GPHN: variants seen among roughly 807,000 people sequenced by gnomAD.
The protein encoded by GPHN is gephyrin.
GPHN carries 17 observed loss-of-function variants against 95.5 expected under a neutral mutation model. The observed-to-expected ratio is 0.18, with a 90% CI of 0.12 to 0.27. The LOEUF is 0.27. Ranked by LOEUF, GPHN falls within the 10% of genes least tolerant of loss-of-function variation. GPHN has a pLI of 1.00. For missense variants in GPHN, 660 were observed against 978.1 expected (o/e 0.67, Z 4.34); for synonymous variants, 320 against 322.5 (o/e 0.99, Z 0.08).
chr14:67,568,057 G>C, the GPHN span, among the ~76,000 whole-genome samples: 2 of 152,134 alleles, frequency 1.3e-5, no homozygotes, highest in Non-Finnish European at 2.9e-5. Context: ...AGTCCTGTTG[G>C]GCTAAATAGG....
chr14:67,079,192 C>T (rs2076600185), intron 11 of GPHN, among the ~76,000 whole-genome samples: 1 of 151,368 alleles, frequency 6.6e-6, no homozygotes, highest in Non-Finnish European at 1.5e-5. Context: ...CTTGTACTTG[C>T]CTTTAAAAAA....
intron 12 of GPHN, among the ~76,000 whole-genome samples, chr14:67,089,964 T>C (rs911633772): frequency 1.3e-5 from 2 of 152,162 alleles, no homozygotes; most frequent in African/African-American, 4.8e-5. Context: ...TTTTAAAATA[T>C]GTAGTACACA....
intron 10 of GPHN, among the ~76,000 whole-genome samples, chr14:67,041,259 G>A (rs893324556): frequency 6.6e-6 from 1 of 151,626 alleles, no homozygotes; most frequent in Non-Finnish European, 1.5e-5. Context: ...GGGTACATGT[G>A]TAGAAGGTGC....
At chr14:67,075,305 T>C (rs545807510) in intron 11 of GPHN, among the ~76,000 whole-genome samples, 1 of 152,328 alleles carries the variant, frequency 6.6e-6, no homozygotes, top group East Asian at 1.9e-4. Flanking sequence ...GTTAAGTCTT[T>C]TCTTGAGACC....
At chr14:67,612,545 A>G in the GPHN span, among the ~76,000 whole-genome samples, 1 of 152,312 alleles carries the variant, frequency 6.6e-6, no homozygotes, top group East Asian at 1.9e-4. Context: ...GTGGCTTCTC[A>G]GGTCATCTGG....
chr14:66,579,605 CAGA>C (rs1310639317), intron 1 of GPHN, among the ~76,000 whole-genome samples: 1 of 151,508 alleles, frequency 6.6e-6, no homozygotes, highest in Non-Finnish European at 1.5e-5. Flanking sequence ...AGAAGAGGCA[CAGA>C]AGATTATTAT....
chr14:67,569,728 T>C, the GPHN span: 228,029 of 600,562 alleles, frequency 0.38, 45,923 homozygotes, highest in Non-Finnish European at 0.42. Flanking sequence ...TTGTGAGGGA[T>C]CCTTTACCAC....
At chr14:66,842,784 T>G in intron 4 of GPHN, 1 of 1,135,670 alleles carries the variant, frequency 8.8e-7, no homozygotes, top group Non-Finnish European at 1.3e-6. Context: ...TGGTTTCTTT[T>G]ATCATCATAA....
rs183091761 is a variant in GPHN, at chr14:66,635,486, A to G, written c.65-45621A>G. ...AGTGTATTCAAACTTCACAGAAGCC[A>G]GTATACAAAGGGAAATCCCAGATTT... On this transcript the variant is annotated intron_variant, in intron 1 of 22. Coordinates refer to ENST00000478722, the MANE Select transcript of GPHN (RefSeq NM_020806.5). Among the ~76,000 whole-genome samples, 103 of 152,328 alleles carry G rather than the reference A, an allele frequency of 6.8e-4. 1 individual carries two copies. Among genetic ancestry groups the G allele is most frequent in the African/African-American group, 2.4e-3 (98 of 41,570 alleles).
In GPHN at chr14:66,621,669, G is replaced by A. The variant is rs193166782; in HGVS notation, c.65-59438G>A. 4.6e-5 allele frequency among the ~76,000 whole-genome samples: 7 copies of A among 150,988 alleles called. No homozygotes were observed. In the South Asian group the frequency reaches 6.3e-4, roughly 14 times the overall value. On this transcript the variant is annotated intron_variant, in intron 1 of 22. Coordinates refer to ENST00000478722, the MANE Select transcript of GPHN (RefSeq NM_020806.5). ...CGATCTCCTGACCTTGTGATCCACCGCCTCGGCCTCCCAAAATGCTGGGAT... is the reference window on the plus strand; with the variant it reads ...CGATCTCCTGACCTTGTGATCCACCACCTCGGCCTCCCAAAATGCTGGGAT...
chr14:66,897,245 G>C (rs2064900338), intron 5 of GPHN, among the ~76,000 whole-genome samples: 1 of 151,968 alleles, frequency 6.6e-6, no homozygotes. Context: ...TTTGTTCATG[G>C]GTACTTAGGT....
chr14:67,475,766 G>A, the GPHN span, among the ~76,000 whole-genome samples: 116 of 152,168 alleles, frequency 7.6e-4, no homozygotes, highest in African/African-American at 2.7e-3. Flanking sequence ...AGTCTTCAAC[G>A]CCCGGCTCCC....
the GPHN span, chr14:67,733,835 T>C: frequency 1.9e-6 from 3 of 1,612,310 alleles, no homozygotes; most frequent in Admixed American, 1.7e-5. Flanking sequence ...CTTCTAGGAA[T>C]CCGGTGGGAG....
intron 2 of GPHN, among the ~76,000 whole-genome samples, chr14:66,751,425 A>C (rs1163829581): frequency 6.6e-6 from 1 of 151,918 alleles, no homozygotes; most frequent in Non-Finnish European, 1.5e-5. Context: ...TTTTATTTGC[A>C]TTTCTCCAAT....
chr14:66,941,214 A>G (rs373981427), intron 8 of GPHN, among the ~76,000 whole-genome samples: 36 of 152,156 alleles, frequency 2.4e-4, no homozygotes, highest in African/African-American at 7.2e-4. Context: ...CAAATGTATA[A>G]ATTGTGAAAC....
chr14:66,698,158 T>A (rs1184639440), intron 2 of GPHN, among the ~76,000 whole-genome samples: 1 of 152,198 alleles, frequency 6.6e-6, no homozygotes, highest in Non-Finnish European at 1.5e-5. Context: ...GGATTTTGCC[T>A]GAAATTTCAT....
intron 4 of GPHN, among the ~76,000 whole-genome samples, chr14:66,826,178 G>T (rs983696238): frequency 6.6e-6 from 1 of 152,074 alleles, no homozygotes; most frequent in Non-Finnish European, 1.5e-5. Context: ...ATAATTGATC[G>T]TGGGGAAATA....
At chr14:67,661,685 C>A in the GPHN span, among the ~76,000 whole-genome samples, 1 of 151,780 alleles carries the variant, frequency 6.6e-6, no homozygotes, top group African/African-American at 2.4e-5. Flanking sequence ...GCATGCACCA[C>A]CAAACCTCGG....
chr14:66,515,614 A>G (rs1266346679), intron 1 of GPHN, among the ~76,000 whole-genome samples: 1 of 152,248 alleles, frequency 6.6e-6, no homozygotes, highest in Non-Finnish European at 1.5e-5. Flanking sequence ...GGTGATCAAA[A>G]TAACACTGTT....
Sources: allele counts gnomAD v4.1 joint callset (sites outside exome capture counted in the v4.1 genomes callset), GRCh38; gene constraint gnomAD v4.1.1; transcripts MANE v1.5; gene names NCBI Gene and HGNC (gene_info 2026-07-23, HGNC 2026-07-21).